BBX: variants seen among roughly 807,000 people sequenced by gnomAD.
BBX encodes the protein BBX high mobility group box domain containing, also known as HMG box transcription factor BBX.
A neutral mutation model predicts 100.2 loss-of-function variants in BBX; 30 were observed. The observed-to-expected ratio is 0.30, with a 90% CI of 0.22 to 0.41. The LOEUF (loss-of-function observed/expected upper bound fraction) is 0.41, where lower values mean the gene tolerates loss of function less well. BBX is among the 10% of genes least tolerant of loss of function. BBX has a pLI of 1.00. For missense variants in BBX, 1,023 were observed against 1,129.8 expected (o/e 0.91, Z 1.35); for synonymous variants, 376 against 388.1 (o/e 0.97, Z 0.37).
intron 2 of BBX, among the ~76,000 whole-genome samples, chr3:107,532,927 AT>A (rs1438617478): frequency 6.6e-6 from 1 of 152,168 alleles, no homozygotes; most frequent in Non-Finnish European, 1.5e-5. Flanking sequence ...ATGTAGTAGT[AT>A]TGGAAATAGA....
At chr3:107,783,367 A>G (rs1023535240) in intron 13 of BBX, among the ~76,000 whole-genome samples, 1 of 152,102 alleles carries the variant, frequency 6.6e-6, no homozygotes, top group Non-Finnish European at 1.5e-5. Flanking sequence ...GTACAAAACT[A>G]CTATGATTGT....
chr3:107,616,005 CTTTTTTTTTTTTTTTTT>C (rs59614452), intron 2 of BBX, among the ~76,000 whole-genome samples: 1,976 of 19,196 alleles, frequency 0.1, 41 homozygotes, highest in Middle Eastern at 0.19. Flanking sequence ...TACTCACCTG[CTTTTTTTTTTTTTTTTT>C]TTTTTTTTTT....
chr3:107,696,154 T>G (rs1173696919), intron 3 of BBX, among the ~76,000 whole-genome samples: 1 of 151,828 alleles, frequency 6.6e-6, no homozygotes, highest in Non-Finnish European at 1.5e-5. Flanking sequence ...TTATCCAATT[T>G]GCCAGTCTGT....
chr3:107,652,708 T>C (rs2107814971), intron 3 of BBX, among the ~76,000 whole-genome samples: 1 of 152,290 alleles, frequency 6.6e-6, no homozygotes, highest in South Asian at 2.1e-4. Flanking sequence ...TTCCCTCTGA[T>C]CTCTATTATA....
At chr3:107,718,227 T>C (rs1356329982) in intron 5 of BBX, among the ~76,000 whole-genome samples, 2 of 147,856 alleles carry the variant, frequency 1.4e-5, no homozygotes, top group Non-Finnish European at 3.0e-5. Context: ...TAATTATTAA[T>C]TTTATTAGTG....
At chr3:107,787,209 A>G (rs570500823) in intron 13 of BBX, among the ~76,000 whole-genome samples, 2 of 152,214 alleles carry the variant, frequency 1.3e-5, no homozygotes, top group East Asian at 1.9e-4. Context: ...TCTGGCCAGG[A>G]TGGTCTTGAT....
chr3:107,805,263 C>T (rs35374854), intron 17 of BBX, 107 bp from the exon 18 acceptor site: 165,415 of 1,114,220 alleles, frequency 0.15, 13,130 homozygotes, highest in Admixed American at 0.2. Flanking sequence ...TAAGTAACAG[C>T]AGTAACTGTT....
At position 107,774,822 on chromosome 3, in the gene BBX, C is replaced by T. The variant is rs919617751; in HGVS notation, c.2019C>T (p.Phe673=). 1 of 1,613,466 alleles carries T rather than the reference C, an allele frequency of 6.2e-7. No homozygotes were observed. The highest frequency in any genetic ancestry group is 8.5e-7 in the Non-Finnish European group (1 of 1,179,580). ...SQSGTSGSKK[F]KKTKPKEDCL... is the part of the protein sequence containing the mutation. ...GTGGGACCAGTGGGAGCAAGAAGTT[C>T]AAGAAGACAAAGCCAAAAGAAGACT... The change falls in exon 12 of 18, where the codon TTC becomes TTT. Residue 673 remains phenylalanine, a synonymous_variant. Transcript: ENST00000325805.
chr3:107,615,008 C>T (rs1382243238), intron 2 of BBX, among the ~76,000 whole-genome samples: 1 of 152,142 alleles, frequency 6.6e-6, no homozygotes, highest in Admixed American at 6.5e-5. Flanking sequence ...ACAGTAGTAG[C>T]AGTGAAAAGT....
chr3:107,780,644 T>G (rs2067781622), intron 13 of BBX, among the ~76,000 whole-genome samples: 1 of 152,114 alleles, frequency 6.6e-6, no homozygotes, highest in Non-Finnish European at 1.5e-5. Flanking sequence ...CCTTCAGATT[T>G]GTGAAGCAAA....
At chr3:107,579,472 G>A (rs950609962) in intron 2 of BBX, among the ~76,000 whole-genome samples, 3 of 152,150 alleles carry the variant, frequency 2.0e-5, no homozygotes, top group Non-Finnish European at 4.4e-5. Flanking sequence ...ATCCCTTCTT[G>A]CCATGTATTC....
chr3:107,547,193 C>T (rs2049302481), intron 2 of BBX, among the ~76,000 whole-genome samples: 1 of 152,126 alleles, frequency 6.6e-6, no homozygotes, highest in South Asian at 2.1e-4. Context: ...CTTTGAATCT[C>T]AGCTGTAGTC....
intron 2 of BBX, among the ~76,000 whole-genome samples, chr3:107,553,645 A>G (rs2049866977): frequency 6.6e-6 from 1 of 152,214 alleles, no homozygotes; most frequent in Non-Finnish European, 1.5e-5. Flanking sequence ...ATCCAAGTCA[A>G]CAACTGAAAG....
At chr3:107,653,502 A>G (rs750906044) in intron 3 of BBX, among the ~76,000 whole-genome samples, 2 of 152,064 alleles carry the variant, frequency 1.3e-5, no homozygotes, top group African/African-American at 2.4e-5. Context: ...TATTTTTAGG[A>G]TATTGCTATA....
chr3:107,538,025 T>C (rs978703643), intron 2 of BBX, among the ~76,000 whole-genome samples: 31 of 152,340 alleles, frequency 2.0e-4, no homozygotes, highest in African/African-American at 7.0e-4. Context: ...ATTCTTTGTC[T>C]TGGGGCTGTT....
intron 3 of BBX, among the ~76,000 whole-genome samples, chr3:107,657,891 C>T (rs1008613114): frequency 6.6e-6 from 1 of 151,992 alleles, no homozygotes; most frequent in African/African-American, 2.4e-5. Context: ...AATACCCATT[C>T]TTTGTTAAGG....
chr3:107,791,302 A>C lies in BBX; in HGVS notation c.2353+3A>C. On this transcript the variant is annotated splice_donor_region_variant and intron_variant, in intron 15 of 17. Coordinates refer to ENST00000325805, the MANE Select transcript of BBX (RefSeq NM_001142568.3). ...GGATGCCATTCACCCTACAGAAGGTAAGACAAGCAATGTTATTTAATTTGA... is the reference window on the plus strand; with the variant it reads ...GGATGCCATTCACCCTACAGAAGGTCAGACAAGCAATGTTATTTAATTTGA... 4 of 1,610,642 alleles carry C rather than the reference A, an allele frequency of 2.5e-6. No homozygotes were observed. The highest frequency in any genetic ancestry group is 3.4e-6 in the Non-Finnish European group (4 of 1,177,328).
At chr3:107,691,689 T>C (rs1291371271) in intron 3 of BBX, among the ~76,000 whole-genome samples, 3 of 152,216 alleles carry the variant, frequency 2.0e-5, no homozygotes, top group African/African-American at 7.2e-5. Flanking sequence ...GATGATTGGA[T>C]TCATGCATTT....
rs191502721 is a variant in BBX at position 107,761,947 on chromosome 3, C to T, written c.906+6269C>T. On this transcript the variant is annotated intron_variant, in intron 10 of 17. Coordinates refer to ENST00000325805, the MANE Select transcript of BBX (RefSeq NM_001142568.3). ...TTATCCCTTCCATCCTATGGTAACC[C>T]CCTTAAAGCCCAGAACATCCCACCT... 5.3e-5 allele frequency among the ~76,000 whole-genome samples: 8 copies of T among 152,226 alleles called. No individual in the cohort carries two copies. In the East Asian group the frequency reaches 1.4e-3, roughly 26 times the overall value.
Sources: gnomAD v4.1 joint callset for allele counts (sites outside exome capture counted in the v4.1 genomes callset) on GRCh38, gnomAD v4.1.1 for gene constraint, MANE v1.5 for transcripts, NCBI Gene and HGNC (gene_info 2026-07-23, HGNC 2026-07-21) for gene names.